BRINP3: variants seen among roughly 807,000 people sequenced by gnomAD.
The protein encoded by BRINP3 is BMP/retinoic acid inducible neural specific 3.
BRINP3 carries 19 observed loss-of-function variants against 71.0 expected under a neutral mutation model. The ratio of observed to expected loss-of-function variants is 0.27; its 90% CI spans 0.19 to 0.39. The LOEUF is 0.39. BRINP3 is among the 10% of genes least tolerant of loss of function. BRINP3 has a pLI of 1.00. For missense variants in BRINP3, 959 were observed against 940.8 expected (o/e 1.02, Z -0.25); for synonymous variants, 380 against 337.7 (o/e 1.13, Z -1.37).
intron 4 of BRINP3, among the ~76,000 whole-genome samples, chr1:190,235,919 G>A: frequency 6.6e-6 from 1 of 151,890 alleles, no homozygotes; most frequent in East Asian, 1.9e-4. Context: ...TAGAATGAGA[G>A]CTCCACATTC....
At chr1:190,186,480 C>T (rs780196404) in intron 6 of BRINP3, among the ~76,000 whole-genome samples, 2 of 151,950 alleles carry the variant, frequency 1.3e-5, no homozygotes, top group Non-Finnish European at 2.9e-5. Flanking sequence ...ATTTAAAATA[C>T]GAAAATAAAG....
chr1:190,411,443 A>G (rs1461811546), intron 2 of BRINP3, among the ~76,000 whole-genome samples: 3 of 152,196 alleles, frequency 2.0e-5, no homozygotes, highest in Admixed American at 2.0e-4. Context: ...GGGAAAAGAA[A>G]GAAAATAATA....
At chr1:190,462,745 T>A (rs924358160) in intron 1 of BRINP3, among the ~76,000 whole-genome samples, 8 of 152,092 alleles carry the variant, frequency 5.3e-5, no homozygotes, top group African/African-American at 1.4e-4. Context: ...GAAGTCAAAC[T>A]GAATACTATA....
At chr1:190,274,993 C>T (rs1662430670) in intron 3 of BRINP3, among the ~76,000 whole-genome samples, 1 of 151,542 alleles carries the variant, frequency 6.6e-6, no homozygotes, top group African/African-American at 2.4e-5. Flanking sequence ...GACAAAGAAA[C>T]ATAATATGTT....
intron 2 of BRINP3, among the ~76,000 whole-genome samples, chr1:190,376,880 A>G (rs1670218984): frequency 1.3e-5 from 2 of 152,018 alleles, no homozygotes; most frequent in African/African-American, 4.8e-5. Context: ...AGCCATGAAG[A>G]TAAAGAAAGG....
chr1:190,099,054 T>A lies in BRINP3; in HGVS notation c.1265A>T (p.Glu422Val). 6.2e-7 allele frequency: 1 copy of A among 1,614,196 alleles called. No homozygotes were observed. Among genetic ancestry groups the A allele is most frequent in the Non-Finnish European group, 8.5e-7 (1 of 1,180,030 alleles). ...ATTCGGACACGTGCACGAGTGCGTC[T>A]CTTCTGAAAAGCTGCCTAGGAGGCC... ...ENGLLGSFSE[E>V]THSCTCPNDQ... The change falls in exon 8 of 8, where the codon GAG (glutamate) becomes GTG (valine). Residue 422 changes from glutamate (E) to valine (V), a missense_variant. Transcript: ENST00000367462.
chr1:190,098,594 G>C lies in BRINP3; in HGVS notation c.1725C>G (p.Pro575=). 6.2e-7 allele frequency: 1 copy of C among 1,614,156 alleles called. No homozygotes were observed. Among genetic ancestry groups the C allele is most frequent in the Non-Finnish European group, 8.5e-7 (1 of 1,180,028 alleles). ...LEPVLAVYVN[P]FGGSHSESWF... ...AGCTCTCAGAGTGGCTGCCTCCGAA[G>C]GGATTGACATAAACAGCCAACACTG... Residue 575 remains proline, a synonymous_variant, in exon 8 of 8, where the codon CCC becomes CCG. Transcript: ENST00000367462.
chr1:190,188,617 T>C (rs1653752475), intron 6 of BRINP3, among the ~76,000 whole-genome samples: 2 of 152,094 alleles, frequency 1.3e-5, no homozygotes, highest in Admixed American at 1.3e-4. Context: ...ACATCATTTT[T>C]TTTTCTTTTC....
chr1:190,308,858 C>T (rs1006681184), intron 2 of BRINP3, among the ~76,000 whole-genome samples: 5 of 151,806 alleles, frequency 3.3e-5, no homozygotes, highest in Non-Finnish European at 7.4e-5. Context: ...TAAAATGGTG[C>T]AGACACTGTG....
chr1:190,314,735 G>A (rs568126119), intron 2 of BRINP3, among the ~76,000 whole-genome samples: 8 of 152,222 alleles, frequency 5.3e-5, no homozygotes, highest in Middle Eastern at 3.4e-3. Context: ...GTTGTGTTAA[G>A]CCACTAAGCT....
At chr1:190,401,376 C>CAAAAAAAA (rs762938571) in intron 2 of BRINP3, among the ~76,000 whole-genome samples, 41 of 89,088 alleles carry the variant, frequency 4.6e-4, no homozygotes, top group Admixed American at 1.0e-3. Context: ...CATCTCAAAA[C>CAAAAAAAA]AAAAAAAAAA....
At chr1:190,124,132 A>C (rs1280225275) in intron 7 of BRINP3, among the ~76,000 whole-genome samples, 1 of 152,204 alleles carries the variant, frequency 6.6e-6, no homozygotes, top group Non-Finnish European at 1.5e-5. Context: ...ATTAGACCAC[A>C]GGGCTCTGCC....
chr1:190,380,740 T>C (rs1480494401), intron 2 of BRINP3, among the ~76,000 whole-genome samples: 3 of 152,126 alleles, frequency 2.0e-5, no homozygotes. Context: ...AGATTCACCA[T>C]ATCAATAATA....
intron 2 of BRINP3, among the ~76,000 whole-genome samples, chr1:190,360,633 A>G (rs1296604759): frequency 6.6e-6 from 1 of 152,176 alleles, no homozygotes; most frequent in African/African-American, 2.4e-5. Context: ...GTAATACCAT[A>G]TGACAATTTT....
At chr1:190,380,810 A>G (rs984497360) in intron 2 of BRINP3, among the ~76,000 whole-genome samples, 7 of 150,944 alleles carry the variant, frequency 4.6e-5, no homozygotes, top group African/African-American at 1.5e-4. Flanking sequence ...CAGAACTTCT[A>G]AAAAAAAACA....
intron 2 of BRINP3, among the ~76,000 whole-genome samples, chr1:190,401,298 C>T (rs1359713292): frequency 7.0e-6 from 1 of 142,390 alleles, no homozygotes; most frequent in East Asian, 2.1e-4. Flanking sequence ...GTGGAGGTTG[C>T]AGTGAGCCAA....
intron 1 of BRINP3, among the ~76,000 whole-genome samples, chr1:190,465,553 C>A (rs553555966): frequency 1.3e-5 from 2 of 151,978 alleles, no homozygotes; most frequent in East Asian, 3.9e-4. Flanking sequence ...GATATCTGAC[C>A]ACCCTGGCCT....
At chr1:190,343,603 T>C (rs1667813674) in intron 2 of BRINP3, among the ~76,000 whole-genome samples, 2 of 151,706 alleles carry the variant, frequency 1.3e-5, no homozygotes, top group African/African-American at 4.8e-5. Flanking sequence ...CTTTTATTAT[T>C]ATCATTACAA....
At chr1:190,166,226 T>G (rs1246319764) in intron 6 of BRINP3, among the ~76,000 whole-genome samples, 1 of 152,214 alleles carries the variant, frequency 6.6e-6, no homozygotes, top group Non-Finnish European at 1.5e-5. Context: ...GACAATTTTA[T>G]GAGGCTACAA....
Sources: allele counts gnomAD v4.1 joint callset (sites outside exome capture counted in the v4.1 genomes callset), GRCh38; gene constraint gnomAD v4.1.1; transcripts MANE v1.5; gene names NCBI Gene and HGNC (gene_info 2026-07-23, HGNC 2026-07-21).